The following DRC8 variants were observed in gnomAD, a reference collection of about 807,000 sequenced individuals.
DRC8 encodes dynein regulatory complex subunit 8, also known as dynein regulatory complex protein 8.
At chr1:245,083,550 T>C in the DRC8 span, 2 of 1,581,442 alleles carry the variant, frequency 1.3e-6, no homozygotes, top group South Asian at 2.3e-5. Flanking sequence ...TACACACATA[T>C]ATGAAAAATT....
the DRC8 span, among the ~76,000 whole-genome samples, chr1:245,063,168 C>G: frequency 3.9e-5 from 6 of 152,136 alleles, no homozygotes; most frequent in African/African-American, 1.4e-4. Context: ...TGGTTTGCCA[C>G]TTCACTCAGG....
the DRC8 span, among the ~76,000 whole-genome samples, chr1:245,056,506 C>A: frequency 1.3e-5 from 2 of 152,226 alleles, no homozygotes; most frequent in Non-Finnish European, 2.9e-5. Context: ...TCCTTATCTG[C>A]TCTCTTCTCA....
the DRC8 span, among the ~76,000 whole-genome samples, chr1:245,012,454 A>G: frequency 6.9e-6 from 1 of 144,246 alleles, no homozygotes; most frequent in African/African-American, 2.9e-5. Context: ...GATAATACAA[A>G]AAGTATTATT....
chr1:244,999,586 A>G, the DRC8 span, among the ~76,000 whole-genome samples: 2 of 152,176 alleles, frequency 1.3e-5, no homozygotes, highest in Admixed American at 6.5e-5. Flanking sequence ...GATGAATTTG[A>G]TATAGCTTTG....
chr1:245,025,939 G>C, the DRC8 span, among the ~76,000 whole-genome samples: 3 of 152,108 alleles, frequency 2.0e-5, no homozygotes, highest in Non-Finnish European at 4.4e-5. Context: ...CAGCCATGTG[G>C]AACTGTGAAT....
the DRC8 span, among the ~76,000 whole-genome samples, chr1:244,983,062 GA>G: frequency 6.7e-6 from 1 of 150,140 alleles, no homozygotes; most frequent in African/African-American, 2.4e-5. Context: ...ATCTCCTAGG[GA>G]AAAAAAAAGA....
chr1:244,994,248 C>A, the DRC8 span, among the ~76,000 whole-genome samples: 1 of 152,076 alleles, frequency 6.6e-6, no homozygotes, highest in Non-Finnish European at 1.5e-5. Context: ...CTTTTGTAAT[C>A]TCTTTGTCAT....
At chr1:245,098,514 C>T in the DRC8 span, among the ~76,000 whole-genome samples, 2 of 152,146 alleles carry the variant, frequency 1.3e-5, no homozygotes, top group Admixed American at 6.6e-5. Context: ...GGTCCTATTC[C>T]GTCCCCCATC....
chr1:245,000,628 A>G, the DRC8 span, among the ~76,000 whole-genome samples: 25 of 152,108 alleles, frequency 1.6e-4, no homozygotes, highest in African/African-American at 5.8e-4. Context: ...AAAATACAAA[A>G]AAATTAGCTG....
At chr1:244,973,032 T>C in the DRC8 span, among the ~76,000 whole-genome samples, 7 of 152,210 alleles carry the variant, frequency 4.6e-5, no homozygotes, top group African/African-American at 1.7e-4. Context: ...GATTGTCAGC[T>C]ACTGTATTTT....
the DRC8 span, among the ~76,000 whole-genome samples, chr1:245,001,693 A>C: frequency 1.3e-5 from 2 of 152,242 alleles, no homozygotes; most frequent in East Asian, 3.8e-4. Context: ...TGTGCCCACC[A>C]CTTTAGCAAC....
the DRC8 span, among the ~76,000 whole-genome samples, chr1:245,105,633 AAAAAAC>A: frequency 2.8e-5 from 4 of 144,062 alleles, no homozygotes; most frequent in African/African-American, 5.7e-5. Context: ...AAAAAAAAAA[AAAAAAC>A]AAAAAACAAA....
chr1:245,040,602 G>A, the DRC8 span, among the ~76,000 whole-genome samples: 48 of 152,270 alleles, frequency 3.2e-4, no homozygotes, highest in African/African-American at 1.1e-3. Context: ...ATATATGAAA[G>A]TACTGTTTAA....
chr1:244,994,518 C>T, the DRC8 span, among the ~76,000 whole-genome samples: 1 of 152,154 alleles, frequency 6.6e-6, no homozygotes, highest in Non-Finnish European at 1.5e-5. Context: ...TAACCTCCGC[C>T]TCCTGGGCTC....
chr1:245,105,714 G>T, the DRC8 span, among the ~76,000 whole-genome samples: 8 of 151,502 alleles, frequency 5.3e-5, no homozygotes, highest in East Asian at 1.6e-3. Context: ...TGTTTGTTCA[G>T]AAAAGGCACA....
At chr1:245,006,962 CAACAACAA>C in the DRC8 span, among the ~76,000 whole-genome samples, 6 of 102,326 alleles carry the variant, frequency 5.9e-5, no homozygotes, top group Non-Finnish European at 9.6e-5. Context: ...ACAACAACAA[CAACAACAA>C]AAAACCCCAG....
chr1:245,018,613 G>A, the DRC8 span, among the ~76,000 whole-genome samples: 2 of 152,154 alleles, frequency 1.3e-5, no homozygotes, highest in Admixed American at 1.3e-4. Flanking sequence ...AATGACAAGT[G>A]CCTTGACCTC....
the DRC8 span, among the ~76,000 whole-genome samples, chr1:245,041,191 G>A: frequency 6.6e-6 from 1 of 152,102 alleles, no homozygotes; most frequent in Non-Finnish European, 1.5e-5. Flanking sequence ...CCTTTGAAGG[G>A]GAAAGGATTA....
the DRC8 span, among the ~76,000 whole-genome samples, chr1:245,098,288 T>C: frequency 1.3e-5 from 2 of 151,966 alleles, no homozygotes; most frequent in Admixed American, 6.6e-5. Flanking sequence ...AGGCTGTCTA[T>C]ATAAGTCTGG....
Sources: allele counts gnomAD v4.1 joint callset (sites outside exome capture counted in the v4.1 genomes callset), GRCh38; gene constraint gnomAD v4.1.1; transcripts MANE v1.5; gene names NCBI Gene and HGNC (gene_info 2026-07-23, HGNC 2026-07-21).